The following DCAF5 variants were observed in gnomAD, a reference collection of about 807,000 sequenced individuals.
DCAF5 encodes DDB1- and CUL4-associated factor 5.
Under a neutral mutation model 80.7 loss-of-function variants are expected in DCAF5, and 9 were observed. That is an observed-to-expected ratio of 0.11 (90% CI 0.07 to 0.19). The LOEUF (loss-of-function observed/expected upper bound fraction) is 0.19, where lower values mean the gene tolerates loss of function less well. Among genes scored for constraint, DCAF5 ranks in the 10% least tolerant of loss-of-function variants. The probability of loss-of-function intolerance (pLI) is 1.00; values close to 1 mark genes in which losing one functional copy is unlikely to be tolerated. For missense variants in DCAF5, 842 were observed against 1,205.7 expected (o/e 0.70, Z 4.47); for synonymous variants, 433 against 461.9 (o/e 0.94, Z 0.80).
chr14:69,137,374 T>G (rs2041227160), intron 1 of DCAF5, among the ~76,000 whole-genome samples: 1 of 152,200 alleles, frequency 6.6e-6, no homozygotes, highest in Admixed American at 6.5e-5. Flanking sequence ...AGAACTAACC[T>G]GGACAATATG....
intron 5 of DCAF5, among the ~76,000 whole-genome samples, chr14:69,101,219 T>A (rs1283456868): frequency 6.6e-6 from 1 of 152,184 alleles, no homozygotes; most frequent in Admixed American, 6.5e-5. Flanking sequence ...ATTCCACCTA[T>A]TAAAAAGAAC....
At chr14:69,104,029 G>C (rs1381973852) in intron 5 of DCAF5, among the ~76,000 whole-genome samples, 1 of 152,004 alleles carries the variant, frequency 6.6e-6, no homozygotes, top group African/African-American at 2.4e-5. Flanking sequence ...CCAGCTTTTG[G>C]TTATAAGGAA....
At chr14:69,108,374 G>C (rs1368731842) in intron 5 of DCAF5, among the ~76,000 whole-genome samples, 2 of 152,202 alleles carry the variant, frequency 1.3e-5, no homozygotes, top group Admixed American at 6.5e-5. Context: ...ACAGGAGAAA[G>C]CATCCTCTAT....
intron 5 of DCAF5, among the ~76,000 whole-genome samples, chr14:69,093,038 C>A (rs1207679555): frequency 6.6e-6 from 1 of 152,094 alleles, no homozygotes; most frequent in African/African-American, 2.4e-5. Flanking sequence ...TTATAGTGAA[C>A]CAGGATGGCC....
chr14:69,063,868 T>C (rs934947025), intron 7 of DCAF5, among the ~76,000 whole-genome samples: 2 of 152,224 alleles, frequency 1.3e-5, no homozygotes, highest in African/African-American at 4.8e-5. Flanking sequence ...CTCAATCTAT[T>C]TGATGGGTGA....
intron 1 of DCAF5, among the ~76,000 whole-genome samples, chr14:69,151,830 C>T (rs1007391949): frequency 6.6e-6 from 1 of 152,124 alleles, no homozygotes; most frequent in East Asian, 1.9e-4. Context: ...CTAGGAGCCC[C>T]GGGAGAGCGA....
At chr14:69,099,365 A>G (rs545699888) in intron 5 of DCAF5, among the ~76,000 whole-genome samples, 3 of 151,562 alleles carry the variant, frequency 2.0e-5, no homozygotes, top group Admixed American at 1.3e-4. Context: ...CTACCCATGA[A>G]ACCTGATCTC....
At chr14:69,063,483 C>T (rs2139853263) in intron 7 of DCAF5, among the ~76,000 whole-genome samples, 1 of 152,316 alleles carries the variant, frequency 6.6e-6, no homozygotes, top group South Asian at 2.1e-4. Context: ...CATCCAGACA[C>T]AAACAAATGA....
intron 6 of DCAF5, chr14:69,090,703 T>C (rs2039501532): frequency 6.3e-6 from 1 of 158,520 alleles, no homozygotes; most frequent in African/African-American, 2.4e-5. Flanking sequence ...ATTTTTCTTT[T>C]ATGCCTCTTT....
chr14:69,061,321 A>G (rs1449312596), intron 8 of DCAF5, among the ~76,000 whole-genome samples: 1 of 152,176 alleles, frequency 6.6e-6, no homozygotes, highest in Non-Finnish European at 1.5e-5. Context: ...TTTTGGCAGG[A>G]ACATCACCTA....
chr14:69,086,041 C>T (rs530948399), intron 6 of DCAF5, among the ~76,000 whole-genome samples: 1 of 152,182 alleles, frequency 6.6e-6, no homozygotes, highest in Non-Finnish European at 1.5e-5. Context: ...CAATTGCACC[C>T]AAAGGTTGCT....
At chr14:69,101,641 T>C (rs575891899) in intron 5 of DCAF5, among the ~76,000 whole-genome samples, 1 of 152,254 alleles carries the variant, frequency 6.6e-6, no homozygotes, top group Non-Finnish European at 1.5e-5. Context: ...GAATATGTTC[T>C]ACGAAATGTG....
intron 5 of DCAF5, among the ~76,000 whole-genome samples, chr14:69,112,589 A>ATG (rs1338501301): frequency 8.8e-6 from 1 of 114,120 alleles, no homozygotes; most frequent in South Asian, 2.5e-4. Flanking sequence ...GATGATATAT[A>ATG]TGTATACACA....
chr14:69,076,434 T>C (rs1566733819), intron 6 of DCAF5, among the ~76,000 whole-genome samples: 1 of 152,200 alleles, frequency 6.6e-6, no homozygotes, highest in Non-Finnish European at 1.5e-5. Flanking sequence ...TGGTAATACA[T>C]ACAATGGAAT....
At chr14:69,135,457 TG>T (rs1595056429) in intron 1 of DCAF5, among the ~76,000 whole-genome samples, 1 of 152,236 alleles carries the variant, frequency 6.6e-6, no homozygotes, top group East Asian at 1.9e-4. Flanking sequence ...TGCTGCACAC[TG>T]AAAAACAATA....
Position 69,055,637 on chromosome 14 carries a change from C to G in DCAF5, c.1075-26G>C. 1 of 1,571,768 alleles carries G rather than the reference C, an allele frequency of 6.4e-7. No homozygotes were observed. On this transcript the variant is annotated intron_variant, in intron 8 of 8. Coordinates refer to ENST00000341516, the MANE Select transcript of DCAF5 (RefSeq NM_003861.3). This position sits in a 1 kb window ranked among gnomAD's most constrained non-coding sequence, Gnocchi z 5.6. ...CTGAACAGAAAATGAAAAACAAAAG[C>G]AACAAGGAGTAACTGGAAAGTATTC... is the stretch of plus-strand genomic sequence containing the variant.
At chr14:69,104,859 A>T (rs1209230370) in intron 5 of DCAF5, among the ~76,000 whole-genome samples, 2 of 142,416 alleles carry the variant, frequency 1.4e-5, no homozygotes, top group Admixed American at 7.1e-5. Flanking sequence ...CTCTGTCTTT[A>T]AAAAAAAAAA....
chr14:69,113,722 C>G (rs1262381387), intron 5 of DCAF5, among the ~76,000 whole-genome samples: 1 of 152,140 alleles, frequency 6.6e-6, no homozygotes, highest in Non-Finnish European at 1.5e-5. Context: ...CCAACTTGTA[C>G]TGAGGGAATT....
At chr14:69,099,379 G>A (rs1177930283) in intron 5 of DCAF5, among the ~76,000 whole-genome samples, 1 of 151,076 alleles carries the variant, frequency 6.6e-6, no homozygotes, top group East Asian at 2.0e-4. Context: ...TGATCTCGAG[G>A]GGCAAGCAGC....
Sources: allele counts gnomAD v4.1 joint callset (sites outside exome capture counted in the v4.1 genomes callset), GRCh38; gene constraint gnomAD v4.1.1; non-coding constraint Gnocchi (gnomAD v3.1); transcripts MANE v1.5; gene names NCBI Gene and HGNC (gene_info 2026-07-23, HGNC 2026-07-21).